KLHL13: variants seen among roughly 807,000 people sequenced by gnomAD.
KLHL13 encodes kelch like family member 13.
Under a neutral mutation model 37.1 loss-of-function variants are expected in KLHL13, and 10 were observed. The observed-to-expected ratio is 0.27, with a 90% confidence interval of 0.17 to 0.46. The LOEUF (loss-of-function observed/expected upper bound fraction) is 0.46, where lower values mean the gene tolerates loss of function less well. Ranked by LOEUF, KLHL13 falls within the 20% of genes least tolerant of loss-of-function variation. KLHL13 has a pLI of 1.00. For synonymous variants in KLHL13, 163 were observed against 181.2 expected (o/e 0.90, Z 0.81); for missense variants, 360 against 509.3 (o/e 0.71, Z 2.82).
At chrX:118,062,624 C>T (rs1293861760) in intron 1 of KLHL13, among the ~76,000 whole-genome samples, 1 of 110,163 alleles carries the variant, frequency 9.1e-6, no homozygotes, top group Non-Finnish European at 1.9e-5. Context: ...CAGTCATATC[C>T]TGAAATACGT....
intron 1 of KLHL13, among the ~76,000 whole-genome samples, chrX:118,086,044 T>C (rs2055051250): frequency 9.1e-6 from 1 of 110,259 alleles, no homozygotes; most frequent in East Asian, 2.8e-4. Context: ...TTCAAGCAAT[T>C]CTCCTGCCTC....
upstream of KLHL13, among the ~76,000 whole-genome samples, chrX:117,977,407 A>G (rs1309124936): frequency 9.0e-6 from 1 of 111,413 alleles, no homozygotes; most frequent in Non-Finnish European, 1.9e-5. Flanking sequence ...TTATAGTAAA[A>G]CTTAATTTGC....
chrX:118,094,391 G>A (rs1026723121), intron 1 of KLHL13, among the ~76,000 whole-genome samples: 1 of 111,478 alleles, frequency 9.0e-6, no homozygotes, highest in Non-Finnish European at 1.9e-5. Flanking sequence ...GGGATTATGT[G>A]AAAAGACCAA....
chrX:117,927,233 C>T (rs949393406), intron 2 of KLHL13, among the ~76,000 whole-genome samples: 1 of 111,328 alleles, frequency 9.0e-6, no homozygotes, highest in Non-Finnish European at 1.9e-5. Context: ...ATTCTCAAAG[C>T]TCAGAGAGCT....
At chrX:118,011,170 G>T in intron 1 of KLHL13, among the ~76,000 whole-genome samples, 1 of 109,778 alleles carries the variant, frequency 9.1e-6, no homozygotes, top group Non-Finnish European at 1.9e-5. Flanking sequence ...TCACAGAGAG[G>T]TCCTGAATGA....
chrX:117,916,163 A>G (rs1264286929), intron 4 of KLHL13, among the ~76,000 whole-genome samples: 2 of 94,484 alleles, frequency 2.1e-5, no homozygotes, highest in Non-Finnish European at 4.3e-5. Flanking sequence ...CGCCTCAAAA[A>G]ACAAAACAAA....
At chrX:118,031,552 ATAT>A (rs1310923463) in intron 1 of KLHL13, among the ~76,000 whole-genome samples, 1 of 87,215 alleles carries the variant, frequency 1.1e-5, no homozygotes, top group Non-Finnish European at 2.2e-5. Flanking sequence ...AGTTATATAT[ATAT>A]TTAGTTATAT....
intron 1 of KLHL13, among the ~76,000 whole-genome samples, chrX:117,970,639 A>C (rs1450528536): frequency 9.0e-6 from 1 of 111,478 alleles, no homozygotes; most frequent in Non-Finnish European, 1.9e-5. Context: ...GATGAGAAAA[A>C]CATGTTAAAC....
chrX:118,045,484 T>C (rs987110203), intron 1 of KLHL13, among the ~76,000 whole-genome samples: 6 of 110,376 alleles, frequency 5.4e-5, no homozygotes, highest in Non-Finnish European at 7.6e-5. Context: ...GCTGATATCA[T>C]TGATCATTAG....
intron 1 of KLHL13, among the ~76,000 whole-genome samples, chrX:118,003,434 AAAATTAAAT>A (rs2053948086): frequency 5.4e-5 from 6 of 111,999 alleles, no homozygotes; most frequent in Non-Finnish European, 1.1e-4. Flanking sequence ...GAAAAGAAAA[AAAATTAAAT>A]GAAGAACATA....
intron 1 of KLHL13, among the ~76,000 whole-genome samples, chrX:118,097,515 T>G (rs1162151485): frequency 2.7e-4 from 30 of 111,696 alleles, no homozygotes; most frequent in African/African-American, 8.8e-4. Context: ...CAAGGTAATT[T>G]ATAGATTCAA....
At chrX:118,110,195 T>C (rs1288836479) in intron 1 of KLHL13, among the ~76,000 whole-genome samples, 1 of 110,324 alleles carries the variant, frequency 9.1e-6, no homozygotes, top group Non-Finnish European at 1.9e-5. Context: ...TTCAATTAAC[T>C]CTTGGGTTTT....
At chrX:117,972,712 C>A (rs1055070895) in intron 1 of KLHL13, 2 of 1,167,868 alleles carry the variant, frequency 1.7e-6, no homozygotes, top group African/African-American at 3.5e-5. Context: ...ACTTTAATAT[C>A]CTATTTTCTC....
chrX:117,947,374 T>C (rs1246009457), intron 1 of KLHL13: 1 of 112,219 alleles, frequency 8.9e-6, no homozygotes, highest in Non-Finnish European at 1.9e-5. Context: ...CTTCTTTCTG[T>C]AGATCATTCC....
At chrX:117,950,009 G>A (rs1933505641) in intron 1 of KLHL13, among the ~76,000 whole-genome samples, 1 of 112,352 alleles carries the variant, frequency 8.9e-6, no homozygotes, top group African/African-American at 3.2e-5. Flanking sequence ...GAAAAAAGAA[G>A]AAATGAATTA....
intron 1 of KLHL13, among the ~76,000 whole-genome samples, chrX:117,962,626 A>G (rs1227749017): frequency 1.8e-5 from 2 of 112,254 alleles, no homozygotes; most frequent in African/African-American, 6.5e-5. Flanking sequence ...AAGCAAGTAA[A>G]GCTTTCTAAC....
chrX:118,071,141 T>C (rs2054859047), intron 1 of KLHL13, among the ~76,000 whole-genome samples: 1 of 112,173 alleles, frequency 8.9e-6, no homozygotes, highest in Non-Finnish European at 1.9e-5. Flanking sequence ...CACATTCTCT[T>C]AACCCAGTCT....
intron 1 of KLHL13, among the ~76,000 whole-genome samples, chrX:118,055,232 C>T (rs1051345305): frequency 8.9e-6 from 1 of 111,942 alleles, no homozygotes; most frequent in Non-Finnish European, 1.9e-5. Flanking sequence ...ATCTTCATAG[C>T]CACAGTAGAA....
chrX:118,060,445 A>G (rs1317459726), intron 1 of KLHL13, among the ~76,000 whole-genome samples: 1 of 111,661 alleles, frequency 9.0e-6, no homozygotes, highest in Non-Finnish European at 1.9e-5. Flanking sequence ...TCTAACAAGT[A>G]TGCCATTACA....
Sources: gnomAD v4.1 joint callset for allele counts (sites outside exome capture counted in the v4.1 genomes callset) on GRCh38, gnomAD v4.1.1 for gene constraint, MANE v1.5 for transcripts, NCBI Gene and HGNC (gene_info 2026-07-23, HGNC 2026-07-21) for gene names.